IL1RAPL2: variants seen among roughly 807,000 people sequenced by gnomAD.
IL1RAPL2 encodes interleukin 1 receptor accessory protein like 2, also known as X-linked interleukin-1 receptor accessory protein-like 2.
IL1RAPL2 carries 3 observed loss-of-function variants against 44.1 expected under a neutral mutation model. The ratio of observed to expected loss-of-function variants is 0.07; its 90% CI spans 0.03 to 0.18. IL1RAPL2 has a LOEUF of 0.18. Ranked by LOEUF, IL1RAPL2 falls within the 10% of genes least tolerant of loss-of-function variation. The pLI is 1.00. For synonymous variants in IL1RAPL2, 181 were observed against 178.8 expected (o/e 1.01, Z -0.10); for missense variants, 391 against 496.4 (o/e 0.79, Z 2.02).
chrX:104,802,441 G>T (rs1040043307), intron 2 of IL1RAPL2, among the ~76,000 whole-genome samples: 9 of 109,855 alleles, frequency 8.2e-5, no homozygotes, highest in African/African-American at 3.0e-4. Flanking sequence ...AAACTGGATA[G>T]AACTGATTTG....
At chrX:105,352,235 C>T (rs73519395) in intron 5 of IL1RAPL2, among the ~76,000 whole-genome samples, 8,244 of 111,641 alleles carry the variant, frequency 0.074, 763 homozygotes, top group African/African-American at 0.26. Flanking sequence ...TAGCTGCCAC[C>T]CCGAACTTTT....
At chrX:104,698,551 T>A (rs926332454) in intron 2 of IL1RAPL2, among the ~76,000 whole-genome samples, 8 of 112,067 alleles carry the variant, frequency 7.1e-5, no homozygotes, top group Non-Finnish European at 1.5e-4. Context: ...TGTCATAGTG[T>A]TACCTCGATT....
chrX:104,896,445 A>G (rs1419641032), intron 2 of IL1RAPL2, among the ~76,000 whole-genome samples: 2 of 111,628 alleles, frequency 1.8e-5, no homozygotes, highest in Non-Finnish European at 3.8e-5. Context: ...TAGAGCAGTC[A>G]TCACCCAATT....
intron 2 of IL1RAPL2, among the ~76,000 whole-genome samples, chrX:104,824,291 G>A (rs1458570287): frequency 2.7e-5 from 3 of 111,969 alleles, no homozygotes; most frequent in African/African-American, 9.8e-5. Flanking sequence ...CAGTTTGCCA[G>A]TATTTTACTG....
intron 2 of IL1RAPL2, among the ~76,000 whole-genome samples, chrX:104,791,542 C>T (rs1174897071): frequency 9.0e-6 from 1 of 111,636 alleles, no homozygotes; most frequent in Non-Finnish European, 1.9e-5. Context: ...AGGAGTGTCC[C>T]TCTGTGGCTC....
chrX:105,050,642 C>A (rs1465625020), intron 2 of IL1RAPL2, among the ~76,000 whole-genome samples: 1 of 112,040 alleles, frequency 8.9e-6, no homozygotes, highest in Non-Finnish European at 1.9e-5. Flanking sequence ...GCCAGTGCAC[C>A]TTTGCCTGAG....
intron 2 of IL1RAPL2, among the ~76,000 whole-genome samples, chrX:105,071,000 G>A (rs1343653551): frequency 2.7e-5 from 3 of 111,478 alleles, no homozygotes; most frequent in Non-Finnish European, 3.8e-5. Flanking sequence ...CACTTGAAAT[G>A]TGACTAGTGT....
intron 5 of IL1RAPL2, among the ~76,000 whole-genome samples, chrX:105,333,607 A>G (rs1428430422): frequency 8.9e-6 from 1 of 111,942 alleles, no homozygotes; most frequent in Non-Finnish European, 1.9e-5. Flanking sequence ...ATATTTGCAA[A>G]CAAGCCATTT....
chrX:104,567,374 C>T lies in IL1RAPL2; in HGVS notation c.-20+323C>T, dbSNP rs768527538. 1.5e-4 allele frequency among the ~76,000 whole-genome samples: 17 copies of T among 112,746 alleles called. No individual in the cohort carries two copies. In the East Asian group the frequency reaches 4.8e-3, roughly 32 times the overall value. ...GCGGCTGGCGCGCGGGCTCTGCAGCCTGGAAGGCAATTTCCAACTGGGCGC... is the reference window on the plus strand; with the variant it reads ...GCGGCTGGCGCGCGGGCTCTGCAGCTTGGAAGGCAATTTCCAACTGGGCGC... On this transcript the variant is annotated intron_variant, in intron 1 of 10. Coordinates refer to ENST00000372582, the MANE Select transcript of IL1RAPL2 (RefSeq NM_017416.2).
chrX:105,189,832 A>C (rs1427051299), intron 2 of IL1RAPL2, among the ~76,000 whole-genome samples: 1 of 111,689 alleles, frequency 9.0e-6, no homozygotes, highest in Admixed American at 9.5e-5. Context: ...ACTCTGTGGA[A>C]TACATATGAC....
chrX:105,398,955 C>T (rs1050106432), intron 5 of IL1RAPL2, among the ~76,000 whole-genome samples: 46 of 111,695 alleles, frequency 4.1e-4, no homozygotes, highest in African/African-American at 1.5e-3. Context: ...ACATTTTGTC[C>T]TCTACAACCT....
chrX:105,685,869 C>G lies in IL1RAPL2; in HGVS notation c.773-31498C>G, dbSNP rs764243933. On this transcript the variant is annotated intron_variant, in intron 6 of 10. Coordinates refer to ENST00000372582, the MANE Select transcript of IL1RAPL2 (RefSeq NM_017416.2). ...AGCGAATCTCTCAGCAGAAACCCTA[C>G]AAGCCAGAAGAGAGTGGGGGCCAAT... 4.2e-3 allele frequency among the ~76,000 whole-genome samples: 468 copies of G among 111,914 alleles called. 3 individuals carry two copies. Among genetic ancestry groups the G allele is most frequent in the African/African-American group, 0.014 (439 of 30,760 alleles).
intron 2 of IL1RAPL2, among the ~76,000 whole-genome samples, chrX:104,724,829 G>C (rs969340560): frequency 9.0e-6 from 1 of 111,181 alleles, no homozygotes; most frequent in Non-Finnish European, 1.9e-5. Flanking sequence ...AAGACCAGTT[G>C]GCTGTAAGTA....
At chrX:104,774,336 C>T (rs1932685927) in intron 2 of IL1RAPL2, among the ~76,000 whole-genome samples, 1 of 111,796 alleles carries the variant, frequency 8.9e-6, no homozygotes, top group Admixed American at 9.5e-5. Context: ...AAGGAAATAA[C>T]ATGAGATATA....
At chrX:105,447,789 A>G (rs1454465694) in intron 5 of IL1RAPL2, among the ~76,000 whole-genome samples, 3 of 89,483 alleles carry the variant, frequency 3.4e-5, no homozygotes, top group Non-Finnish European at 6.1e-5. Context: ...TTAAAAATAT[A>G]TATAAATATA....
intron 6 of IL1RAPL2, among the ~76,000 whole-genome samples, chrX:105,520,178 G>A (rs2036544931): frequency 9.0e-6 from 1 of 111,405 alleles, no homozygotes; most frequent in African/African-American, 3.3e-5. Context: ...TCCCATTAGT[G>A]CTGCAAGAAT....
At chrX:104,591,113 A>G (rs1207767475) in intron 1 of IL1RAPL2, among the ~76,000 whole-genome samples, 1 of 111,999 alleles carries the variant, frequency 8.9e-6, no homozygotes, top group Admixed American at 9.5e-5. Context: ...AATTATTCTG[A>G]TCTACCTAGA....
intron 2 of IL1RAPL2, among the ~76,000 whole-genome samples, chrX:104,669,430 G>A (rs1291231157): frequency 2.7e-5 from 3 of 110,574 alleles, no homozygotes; most frequent in African/African-American, 6.6e-5. Flanking sequence ...CTTAAAAGTC[G>A]CTTTTCTCCA....
chrX:104,766,095 G>T (rs2147594341), intron 2 of IL1RAPL2, among the ~76,000 whole-genome samples: 1 of 112,019 alleles, frequency 8.9e-6, no homozygotes, highest in African/African-American at 3.2e-5. Flanking sequence ...GGGATCTTGT[G>T]GCTCAGCAGT....
Sources: gnomAD v4.1 joint callset for allele counts (sites outside exome capture counted in the v4.1 genomes callset) on GRCh38, gnomAD v4.1.1 for gene constraint, MANE v1.5 for transcripts, NCBI Gene and HGNC (gene_info 2026-07-23, HGNC 2026-07-21) for gene names.